Variants in CHMP3 observed in about 807,000 individuals in gnomAD.
CHMP3 encodes charged multivesicular body protein 3.
Under a neutral mutation model 27.4 loss-of-function variants are expected in CHMP3, and 8 were observed. The observed-to-expected ratio is 0.29, with a 90% CI of 0.17 to 0.53. The LOEUF (loss-of-function observed/expected upper bound fraction) is 0.53. Ranked by LOEUF, CHMP3 falls within the 20% of genes least tolerant of loss-of-function variation. The pLI, the probability that CHMP3 is intolerant of heterozygous loss-of-function variation, is 0.96. For missense variants in CHMP3, 208 were observed against 271.5 expected, an observed-to-expected ratio of 0.77 and a Z score of 1.64; for synonymous variants, 86 against 85.5, an observed-to-expected ratio of 1.01 and a Z score of -0.03.
At chr2:86,506,166 G>A (rs958171299) in intron 5 of CHMP3, among the ~76,000 whole-genome samples, 1 of 152,158 alleles carries the variant, frequency 6.6e-6, no homozygotes, top group African/African-American at 2.4e-5. Context: ...AAGAATCTCG[G>A]TTCTGAAGCT....
rs1677096176 is a variant in CHMP3 at position 86,555,735 on chromosome 2, TCCTCACATTGCCTTC to T, written c.45+7554_45+7568del. Among the ~76,000 whole-genome samples the T allele has an allele frequency of 3.9e-5, 6 of 152,186 alleles. No individual in the cohort carries two copies. In the South Asian group the frequency reaches 1.2e-3, roughly 32 times the overall value. On this transcript the variant is annotated intron_variant, in intron 1 of 5. Transcript: ENST00000263856. ...CATCTTCAGTGCTGTCTCTGCTCCA[TCCTCACATTGCCTTC>T]TCTTCTTCTGTGTATGTCAAATCTC...
intron 3 of CHMP3, among the ~76,000 whole-genome samples, chr2:86,523,730 G>C (rs913867001): frequency 2.6e-5 from 4 of 152,130 alleles, no homozygotes; most frequent in African/African-American, 7.2e-5. Context: ...AAAAAGAGAA[G>C]TGGGATAGGA....
At chr2:86,547,849 A>G (rs1281576822) in intron 1 of CHMP3, among the ~76,000 whole-genome samples, 1 of 152,254 alleles carries the variant, frequency 6.6e-6, no homozygotes, top group African/African-American at 2.4e-5. Context: ...ATCAACTAGT[A>G]AATTAGACAA....
At chr2:86,554,870 T>C (rs1345487223) in intron 1 of CHMP3, among the ~76,000 whole-genome samples, 1 of 145,092 alleles carries the variant, frequency 6.9e-6, no homozygotes, top group African/African-American at 2.5e-5. Context: ...TTTTTTGAGA[T>C]GGAGTCCCGC....
intron 2 of CHMP3, among the ~76,000 whole-genome samples, chr2:86,536,124 T>A (rs1573274784): frequency 6.7e-6 from 1 of 149,398 alleles, no homozygotes; most frequent in South Asian, 2.1e-4. Flanking sequence ...GCCTCCCAAG[T>A]AGCTGGGACT....
chr2:86,527,556 T>C (rs372501352), intron 3 of CHMP3, among the ~76,000 whole-genome samples: 140 of 152,330 alleles, frequency 9.2e-4, no homozygotes, highest in African/African-American at 3.1e-3. Context: ...GATTAAACTA[T>C]TTCTTTATGG....
At chr2:86,530,235 C>T (rs1675866195) in intron 2 of CHMP3, among the ~76,000 whole-genome samples, 1 of 152,106 alleles carries the variant, frequency 6.6e-6, no homozygotes, top group East Asian at 1.9e-4. Flanking sequence ...TCAGGTGATC[C>T]ACCTGCCTCG....
At chr2:86,512,042 A>C (rs1190577199) in intron 3 of CHMP3, 3 of 152,246 alleles carry the variant, frequency 2.0e-5, no homozygotes, top group Non-Finnish European at 4.4e-5. Flanking sequence ...TAACCAACCA[A>C]AATGGATTAG....
intron 1 of CHMP3, among the ~76,000 whole-genome samples, chr2:86,557,988 C>T (rs1412682168): frequency 1.3e-5 from 2 of 152,176 alleles, no homozygotes; most frequent in Admixed American, 6.5e-5. Context: ...ATCTCCCTTT[C>T]TCATTTTCTT....
chr2:86,520,647 C>A (rs981194041), intron 3 of CHMP3, among the ~76,000 whole-genome samples: 1 of 152,194 alleles, frequency 6.6e-6, no homozygotes, highest in Non-Finnish European at 1.5e-5. Context: ...TTTGATTCAA[C>A]AAATTGGTTT....
chr2:86,524,687 C>T (rs908979312), intron 3 of CHMP3, among the ~76,000 whole-genome samples: 8 of 151,890 alleles, frequency 5.3e-5, no homozygotes, highest in African/African-American at 1.9e-4. Context: ...CTGTGGACAC[C>T]GAGGGATAAA....
At chr2:86,518,878 T>C (rs1675416144) in intron 3 of CHMP3, among the ~76,000 whole-genome samples, 1 of 152,222 alleles carries the variant, frequency 6.6e-6, no homozygotes, top group Admixed American at 6.5e-5. Context: ...TAATCATGTT[T>C]TGGGTTGCAG....
chr2:86,547,929 T>G (rs1207763139), intron 1 of CHMP3, among the ~76,000 whole-genome samples: 1 of 152,212 alleles, frequency 6.6e-6, no homozygotes, highest in Non-Finnish European at 1.5e-5. Flanking sequence ...TTTATTCAAA[T>G]TCATTCACAG....
chr2:86,526,975 G>C lies in CHMP3; in HGVS notation c.286+2243C>G, dbSNP rs1408657664. On this transcript the variant is annotated intron_variant, in intron 3 of 5. Coordinates refer to ENST00000263856, the MANE Select transcript of CHMP3 (RefSeq NM_016079.4). Reference sequence around the variant, plus strand: ...CATTCATAAAAATTTTAAGATTCATGATAGTGGCTTTCTCTGGAGAGGTTG... The same window carrying C: ...CATTCATAAAAATTTTAAGATTCATCATAGTGGCTTTCTCTGGAGAGGTTG... The C allele has an allele frequency of 2.0e-5, 3 of 152,218 alleles. No homozygotes were observed. In the East Asian group the frequency reaches 5.8e-4, roughly 29 times the overall value. 9.4% of individuals were successfully genotyped at this position (152,218 alleles called of 1,614,324 possible).
At chr2:86,522,364 C>T (rs1253826341) in intron 3 of CHMP3, among the ~76,000 whole-genome samples, 1 of 152,164 alleles carries the variant, frequency 6.6e-6, no homozygotes, top group African/African-American at 2.4e-5. Flanking sequence ...GTTCTATCCT[C>T]GTACCTACTC....
chr2:86,508,939 G>A (rs550913724), intron 4 of CHMP3, among the ~76,000 whole-genome samples: 2 of 152,312 alleles, frequency 1.3e-5, no homozygotes, highest in South Asian at 4.1e-4. Flanking sequence ...AATCCTAATT[G>A]TAATAGCCCT....
At chr2:86,546,636 C>T (rs1435147014) in intron 1 of CHMP3, among the ~76,000 whole-genome samples, 1 of 151,870 alleles carries the variant, frequency 6.6e-6, no homozygotes, top group Non-Finnish European at 1.5e-5. Flanking sequence ...CGGGATTTCA[C>T]CACGTTGGCC....
chr2:86,527,636 T>C (rs866324672), intron 3 of CHMP3, among the ~76,000 whole-genome samples: 13 of 152,282 alleles, frequency 8.5e-5, no homozygotes, highest in Admixed American at 2.0e-4. Context: ...CCTAAAATCA[T>C]CATTTTAGGG....
intron 3 of CHMP3, among the ~76,000 whole-genome samples, chr2:86,516,279 A>G (rs1304523567): frequency 6.6e-6 from 1 of 152,162 alleles, no homozygotes; most frequent in Non-Finnish European, 1.5e-5. Context: ...CAACTGATGT[A>G]GGAAAAGAAA....
Sources: gnomAD v4.1 joint callset for allele counts (sites outside exome capture counted in the v4.1 genomes callset) on GRCh38, gnomAD v4.1.1 for gene constraint, MANE v1.5 for transcripts, NCBI Gene and HGNC (gene_info 2026-07-23, HGNC 2026-07-21) for gene names.